Variants in ANKDD1A observed in about 807,000 individuals in gnomAD.
ANKDD1A encodes the protein ankyrin repeat and death domain-containing protein 1A.
Under a neutral mutation model 63.5 loss-of-function variants are expected in ANKDD1A, and 59 were observed. That is an observed-to-expected ratio of 0.93 (90% CI 0.75 to 1.15). The LOEUF (loss-of-function observed/expected upper bound fraction) is 1.15. Ranked by LOEUF, ANKDD1A falls within the 50% of genes most tolerant of loss-of-function variation. ANKDD1A has a pLI of 0.00. For synonymous variants in ANKDD1A, 266 were observed against 263.9 expected (o/e 1.01, Z -0.08); for missense variants, 632 against 656.4 (o/e 0.96, Z 0.41).
Position 64,917,408 on chromosome 15 carries a change from G to C in ANKDD1A, c.161G>C (p.Trp54Ser). The change falls in exon 3 of 15, where the codon TGG (tryptophan) becomes TCG (serine). Residue 54 changes from tryptophan to serine, a missense_variant. Physicochemically the swap from Trp to Ser is radical, Grantham distance 177. Coordinates refer to ENST00000319580, the MANE Select transcript of ANKDD1A (RefSeq NM_182703.6). ...CAGGTGGGCAGGGTGGCCCTGCACT[G>C]GGCTGCAGGTGCAGGGCACGAGCAG... ...RNHVGRVALH[W>S]AAGAGHEQAV... The C allele has an allele frequency of 6.2e-7, 1 of 1,611,150 alleles. No homozygotes were observed. Among genetic ancestry groups the C allele is most frequent in the Non-Finnish European group, 8.5e-7 (1 of 1,179,328 alleles).
intron 3 of ANKDD1A, chr15:64,919,705 C>T (rs1183674355): frequency 6.6e-6 from 1 of 152,206 alleles, no homozygotes; most frequent in Non-Finnish European, 1.5e-5. Flanking sequence ...GGACTCCATT[C>T]ACAGAAGGCT....
chr15:64,956,799 C>T (rs1239058784), intron 14 of ANKDD1A, among the ~76,000 whole-genome samples: 1 of 152,144 alleles, frequency 6.6e-6, no homozygotes, highest in Admixed American at 6.5e-5. Context: ...GTGACCCATC[C>T]ACCTCAGCCT....
intron 5 of ANKDD1A, 135 bp from the exon 6 acceptor site, chr15:64,926,766 G>T: frequency 1.2e-6 from 1 of 855,822 alleles, no homozygotes. Flanking sequence ...GGGAGGCAAG[G>T]GGAGAGGACA....
At chr15:64,953,165 CTTCTT>C (rs2085332702) in intron 14 of ANKDD1A, among the ~76,000 whole-genome samples, 4 of 13,072 alleles carry the variant, frequency 3.1e-4, no homozygotes, top group South Asian at 4.7e-3. Flanking sequence ...TTCTTCTTTC[CTTCTT>C]TTCTTCTTTT....
At chr15:64,931,636 G>C (rs1451432991) in intron 8 of ANKDD1A, 51 bp downstream of exon 8, 1 of 1,584,492 alleles carries the variant, frequency 6.3e-7, no homozygotes, top group African/African-American at 1.3e-5. Flanking sequence ...CTGAGCCATA[G>C]CCATGTCGGC....
chr15:64,954,652 CTCCTTCT>C (rs2085393284), intron 14 of ANKDD1A, among the ~76,000 whole-genome samples: 2 of 142,670 alleles, frequency 1.4e-5, no homozygotes, highest in African/African-American at 5.1e-5. Flanking sequence ...CCTTCTTCTT[CTCCTTCT>C]TTCTTCTTGT....
chr15:64,944,540 A>T, intron 11 of ANKDD1A, 112 bp from the exon 12 acceptor site: 1 of 927,260 alleles, frequency 1.1e-6, no homozygotes, highest in African/African-American at 1.7e-5. Context: ...CTCTCAGCGT[A>T]GACTGCTGGA....
chr15:64,939,507 C>T (rs976485112), intron 9 of ANKDD1A, among the ~76,000 whole-genome samples: 1 of 152,104 alleles, frequency 6.6e-6, no homozygotes, highest in Admixed American at 6.6e-5. Flanking sequence ...CCCTGTTCCT[C>T]CAGAGGCTGA....
chr15:64,954,491 C>A (rs1481434608), intron 14 of ANKDD1A, among the ~76,000 whole-genome samples: 3 of 142,810 alleles, frequency 2.1e-5, no homozygotes, highest in African/African-American at 8.1e-5. Context: ...CTTCTTCCTT[C>A]TCCTTCTTCT....
intron 9 of ANKDD1A, among the ~76,000 whole-genome samples, chr15:64,938,204 CAAG>C (rs1048808462): frequency 1.3e-4 from 20 of 152,294 alleles, no homozygotes; most frequent in African/African-American, 4.1e-4. Flanking sequence ...ATCATGCTCT[CAAG>C]GAGGTGAAGC....
At chr15:64,952,648 T>C (rs949031647) in intron 14 of ANKDD1A, among the ~76,000 whole-genome samples, 123 of 141,830 alleles carry the variant, frequency 8.7e-4, no homozygotes, top group Middle Eastern at 4.3e-3. Context: ...TTCTTCTCCT[T>C]CTCCTTCTTC....
At chr15:64,918,251 A>G (rs1390914422) in intron 3 of ANKDD1A, among the ~76,000 whole-genome samples, 2 of 152,216 alleles carry the variant, frequency 1.3e-5, no homozygotes, top group Non-Finnish European at 1.5e-5. Context: ...AAATACATAA[A>G]TAGATAAAAA....
Position 64,947,471 on chromosome 15 carries a change from A to C in ANKDD1A, c.1229A>C (p.Gln410Pro), listed in dbSNP as rs375801341. The C allele has an allele frequency of 1.2e-6, 2 of 1,614,058 alleles. No individual in the cohort carries two copies. Among genetic ancestry groups the C allele is most frequent in the African/African-American group, 2.7e-5 (2 of 74,936 alleles). Residue 410 changes from glutamine (Q) to proline (P), a missense_variant, in exon 13 of 15, where the codon CAG becomes CCG. Gln to Pro is a moderately conservative substitution (Grantham distance 76). Coordinates refer to ENST00000319580, the MANE Select transcript of ANKDD1A (RefSeq NM_182703.6). ...FKQDHRQETQ[Q>P]LRSVLWRLAS... is the part of the protein sequence containing the mutation. ...CAGGACCATCGGCAGGAAACACAGC[A>C]GCTCCGTTCTGTGCTGTGGCGGCTG...
chr15:64,928,559 T>C (rs1365624981), intron 6 of ANKDD1A, among the ~76,000 whole-genome samples: 2 of 152,228 alleles, frequency 1.3e-5, no homozygotes, highest in African/African-American at 4.8e-5. Flanking sequence ...TTCAGTTTCA[T>C]CTGGGAGTGG....
intron 1 of ANKDD1A, 44 bp from the exon 2 acceptor site, chr15:64,915,753 G>A (rs1331064983): frequency 7.1e-6 from 11 of 1,550,586 alleles, no homozygotes; most frequent in Admixed American, 1.7e-5. Flanking sequence ...TCTGCAGTGT[G>A]GGGCATCCTC....
At chr15:64,936,959 G>A (rs1354901735) in intron 9 of ANKDD1A, among the ~76,000 whole-genome samples, 1 of 152,136 alleles carries the variant, frequency 6.6e-6, no homozygotes, top group Non-Finnish European at 1.5e-5. Context: ...GAAACACAGA[G>A]GATTCTTAAG....
Position 64,922,006 on chromosome 15 carries a change from A to G in ANKDD1A, c.353A>G (p.His118Arg). 1 of 1,614,172 alleles carries G rather than the reference A, an allele frequency of 6.2e-7. No individual in the cohort carries two copies. Among genetic ancestry groups the G allele is most frequent in the Non-Finnish European group, 8.5e-7 (1 of 1,180,014 alleles). ...TTGGTAAACTCAGGGGCCAAGATCCACTGTGAGAGCAAGGTAAGGCCTCAG... is the reference window on the plus strand; with the variant it reads ...TTGGTAAACTCAGGGGCCAAGATCCGCTGTGAGAGCAAGGTAAGGCCTCAG... ...QILVNSGAKIHCESKDGLTLL... is the reference protein window; with the variant it reads ...QILVNSGAKIRCESKDGLTLL... The change falls in exon 4 of 15, where the codon CAC (histidine) becomes CGC (arginine). Residue 118 changes from histidine (H) to arginine (R), a missense_variant. Transcript: ENST00000319580.
intron 11 of ANKDD1A, 124 bp from the exon 12 acceptor site, chr15:64,944,528 T>C (rs2085208800): frequency 1.3e-6 from 1 of 798,634 alleles, no homozygotes; most frequent in Non-Finnish European, 2.0e-6. Flanking sequence ...AAAACCTTTC[T>C]GCTCTCAGCG....
chr15:64,915,673 CCT>C (rs976583086), intron 1 of ANKDD1A, 122 bp from the exon 2 acceptor site: 4 of 758,348 alleles, frequency 5.3e-6, no homozygotes, highest in Non-Finnish European at 8.9e-6. Flanking sequence ...CCGCTCTGCC[CCT>C]GTTCCTAGCT....
Sources: allele counts gnomAD v4.1 joint callset (sites outside exome capture counted in the v4.1 genomes callset), GRCh38; gene constraint gnomAD v4.1.1; transcripts MANE v1.5; gene names NCBI Gene and HGNC (gene_info 2026-07-23, HGNC 2026-07-21).